CORIN: variants seen among roughly 807,000 people sequenced by gnomAD.
The protein encoded by CORIN is corin, serine peptidase, also known as atrial natriuretic peptide-converting enzyme.
CORIN carries 117 observed loss-of-function variants against 125.3 expected under a neutral mutation model. The observed-to-expected ratio is 0.93, with a 90% CI of 0.80 to 1.09. The LOEUF (loss-of-function observed/expected upper bound fraction) is 1.09. Ranked by LOEUF, CORIN falls within the 50% of genes least tolerant of loss-of-function variation. The pLI, the probability that CORIN is intolerant of heterozygous loss-of-function variation, is 0.00. For synonymous variants in CORIN, 450 were observed against 466.4 expected, an observed-to-expected ratio of 0.96 and a Z score of 0.45; for missense variants, 1,253 against 1,306.7, an observed-to-expected ratio of 0.96 and a Z score of 0.63.
intron 1 of CORIN, among the ~76,000 whole-genome samples, chr4:47,812,372 G>A (rs536670974): frequency 6.6e-6 from 1 of 152,250 alleles, no homozygotes; most frequent in Non-Finnish European, 1.5e-5. Context: ...AAGCATGGTG[G>A]TTGTTGCCTG....
chr4:47,605,738 G>A (rs1354908680), intron 19 of CORIN, among the ~76,000 whole-genome samples: 1 of 152,140 alleles, frequency 6.6e-6, no homozygotes, highest in Non-Finnish European at 1.5e-5. Flanking sequence ...CTAAACAGAA[G>A]CTCATGGACT....
At chr4:47,619,586 A>G (rs1309464515) in intron 19 of CORIN, among the ~76,000 whole-genome samples, 1 of 152,230 alleles carries the variant, frequency 6.6e-6, no homozygotes, top group Non-Finnish European at 1.5e-5. Context: ...TGTTAAATTT[A>G]GTGTTTCATG....
intron 3 of CORIN, among the ~76,000 whole-genome samples, chr4:47,785,216 G>C (rs1470517898): frequency 1.3e-5 from 2 of 152,162 alleles, no homozygotes; most frequent in Non-Finnish European, 2.9e-5. Context: ...TTCTGGCAGT[G>C]GCTGTACTGT....
intron 3 of CORIN, among the ~76,000 whole-genome samples, chr4:47,769,618 A>G (rs1442852929): frequency 6.6e-6 from 1 of 152,134 alleles, no homozygotes; most frequent in Non-Finnish European, 1.5e-5. Context: ...TGATTTCCAA[A>G]TACACTATAA....
chr4:47,814,366 T>C (rs908540728), intron 1 of CORIN, among the ~76,000 whole-genome samples: 6 of 152,142 alleles, frequency 3.9e-5, no homozygotes, highest in African/African-American at 1.2e-4. Context: ...AAAATGTGAT[T>C]TGTGTTCTTT....
At chr4:47,744,756 T>C (rs780161241) in intron 4 of CORIN, among the ~76,000 whole-genome samples, 173 bp from the exon 5 acceptor site, 1 of 152,230 alleles carries the variant, frequency 6.6e-6, no homozygotes, top group Non-Finnish European at 1.5e-5. Flanking sequence ...TTAGCTATTC[T>C]ATGGTCTTGA....
intron 19 of CORIN, among the ~76,000 whole-genome samples, chr4:47,615,762 C>G (rs368612275): frequency 6.6e-6 from 1 of 152,260 alleles, no homozygotes; most frequent in East Asian, 1.9e-4. Flanking sequence ...TTCTAGCCTC[C>G]GGAACTGTAT....
intron 1 of CORIN, among the ~76,000 whole-genome samples, chr4:47,810,887 G>A (rs1732033570): frequency 6.6e-6 from 1 of 152,136 alleles, no homozygotes; most frequent in South Asian, 2.1e-4. Context: ...GGTTGTAAAA[G>A]TAGCTCAAAC....
At chr4:47,657,853 C>T (rs749802984) in intron 12 of CORIN, among the ~76,000 whole-genome samples, 3 of 152,146 alleles carry the variant, frequency 2.0e-5, no homozygotes, top group African/African-American at 2.4e-5. Flanking sequence ...CCAGACCCCA[C>T]CTCCAACACT....
chr4:47,662,528 C>T (rs954051420), intron 11 of CORIN, among the ~76,000 whole-genome samples: 2 of 152,018 alleles, frequency 1.3e-5, no homozygotes, highest in African/African-American at 2.4e-5. Context: ...AAAGTATCAG[C>T]GTGCCTCACA....
At chr4:47,779,921 A>C (rs531184714) in intron 3 of CORIN, among the ~76,000 whole-genome samples, 1 of 152,328 alleles carries the variant, frequency 6.6e-6, no homozygotes, top group East Asian at 1.9e-4. Flanking sequence ...TAAATAAATC[A>C]CTGCAATTTA....
At chr4:47,598,026 G>A (rs1264413185) in intron 21 of CORIN, among the ~76,000 whole-genome samples, 4 of 152,128 alleles carry the variant, frequency 2.6e-5, no homozygotes, top group African/African-American at 9.7e-5. Context: ...GAGTCAGGTA[G>A]GCACCCCATT....
chr4:47,628,034 G>C (rs781060587), intron 16 of CORIN, among the ~76,000 whole-genome samples: 6 of 152,152 alleles, frequency 3.9e-5, no homozygotes, highest in Non-Finnish European at 8.8e-5. Flanking sequence ...CTTCCAAGAG[G>C]AAAGGCAATC....
At chr4:47,635,676 T>C (rs182247514) in intron 16 of CORIN, among the ~76,000 whole-genome samples, 1 of 152,286 alleles carries the variant, frequency 6.6e-6, no homozygotes, top group African/African-American at 2.4e-5. Flanking sequence ...AGATTTTCAG[T>C]CCAAACTGTA....
At chr4:47,683,144 G>A (rs942388404) in intron 7 of CORIN, 4 of 152,184 alleles carry the variant, frequency 2.6e-5, no homozygotes, top group African/African-American at 9.7e-5. Context: ...ATGAGCAAGA[G>A]GAATTTTGCT....
Position 47,686,516 on chromosome 4 carries a change from A to T in CORIN, c.914-2678T>A, listed in dbSNP as rs1725524074. On this transcript the variant is annotated intron_variant, in intron 6 of 21. Coordinates refer to ENST00000273857, the MANE Select transcript of CORIN (RefSeq NM_006587.4). ...TGCACCCCCACTGCTGAATGAGGCT[A>T]CAACACATGTGACAGCTGAGTGGAA... Among the ~76,000 whole-genome samples, 15 of 152,198 alleles carry T rather than the reference A, an allele frequency of 9.9e-5. No homozygotes were observed. In the South Asian group the frequency reaches 3.1e-3, roughly 32 times the overall value.
intron 4 of CORIN, among the ~76,000 whole-genome samples, chr4:47,757,876 A>ATGTG (rs1289182548): frequency 1.1e-4 from 12 of 113,820 alleles, no homozygotes; most frequent in African/African-American, 3.5e-4. Flanking sequence ...ACATATATAT[A>ATGTG]TGTATATATA....
At chr4:47,742,275 A>G (rs981800296) in intron 5 of CORIN, among the ~76,000 whole-genome samples, 3 of 151,970 alleles carry the variant, frequency 2.0e-5, no homozygotes, top group African/African-American at 7.2e-5. Context: ...TTAAAGGTGA[A>G]ATATTGAAAA....
chr4:47,756,079 G>A (rs1031939133), intron 4 of CORIN, among the ~76,000 whole-genome samples: 1 of 152,160 alleles, frequency 6.6e-6, no homozygotes, highest in Non-Finnish European at 1.5e-5. Context: ...CAGGCAAAAG[G>A]GGTTATAACT....
Sources: allele counts gnomAD v4.1 joint callset (sites outside exome capture counted in the v4.1 genomes callset), GRCh38; gene constraint gnomAD v4.1.1; transcripts MANE v1.5; gene names NCBI Gene and HGNC (gene_info 2026-07-23, HGNC 2026-07-21).